Variants in SYNJ2 observed in about 807,000 individuals in gnomAD.
SYNJ2 encodes the protein synaptojanin 2, also known as polyphosphatidylinositol phosphatase SYNJ2.
Under a neutral mutation model 141.3 loss-of-function variants are expected in SYNJ2, and 116 were observed. That is an observed-to-expected ratio of 0.82 (90% CI 0.71 to 0.96). The LOEUF is 0.96. Ranked by LOEUF, SYNJ2 falls within the 40% of genes least tolerant of loss-of-function variation. The pLI is 0.00. For synonymous variants in SYNJ2, 745 were observed against 777.7 expected, an observed-to-expected ratio of 0.96 and a Z score of 0.70; for missense variants, 1,873 against 1,934.8, an observed-to-expected ratio of 0.97 and a Z score of 0.60.
intron 2 of SYNJ2, among the ~76,000 whole-genome samples, chr6:158,021,352 T>C (rs765811210): frequency 1.7e-4 from 26 of 152,190 alleles, no homozygotes; most frequent in Non-Finnish European, 2.6e-4. Context: ...TCTGTAAACC[T>C]GGGAAAACTG....
In SYNJ2 at chr6:158,090,556, T is replaced by G. The variant is rs182020741; in HGVS notation, c.3565+609T>G. Among the ~76,000 whole-genome samples, 407 of 149,426 alleles carry G rather than the reference T, an allele frequency of 2.7e-3. 6 individuals carry two copies. Among genetic ancestry groups the G allele is most frequent in the African/African-American group, 8.7e-3 (355 of 40,768 alleles). ...TTTTTTTTTTTGTTTTTTTTTTTTT[T>G]TTTTTTGAGACTGAGTTTCACTCTG... On this transcript the variant is annotated intron_variant, in intron 25 of 26. Coordinates refer to ENST00000355585, the MANE Select transcript of SYNJ2 (RefSeq NM_003898.4).
chr6:157,991,152 A>G (rs10455934), intron 1 of SYNJ2, among the ~76,000 whole-genome samples: 77,480 of 152,050 alleles, frequency 0.51, 21,212 homozygotes, highest in African/African-American at 0.72. Flanking sequence ...TAAGGAGGGG[A>G]AGAGAGAACG....
Position 158,040,914 on chromosome 6 carries a change from C to T in SYNJ2, c.712-2402C>T, listed in dbSNP as rs888921355. The stretch of plus-strand genomic sequence containing the variant: ...CCCCACTGCTCTTCCCGGTCTCCCT[C>T]CCACCTCTTGTCTGTTCCTTCTTGA... On this transcript the variant is annotated intron_variant, in intron 4 of 26. Transcript: ENST00000355585. This position sits in a 1 kb window ranked among gnomAD's most constrained non-coding sequence, Gnocchi z 4.2. Among the ~76,000 whole-genome samples the T allele has an allele frequency of 2.0e-5, 3 of 152,214 alleles. No individual in the cohort carries two copies. The highest frequency in any genetic ancestry group is 6.5e-5 in the Admixed American group (1 of 15,282).
At chr6:158,086,792 C>A in intron 22 of SYNJ2, 63 bp from the exon 23 acceptor site, 2 of 1,535,202 alleles carry the variant, frequency 1.3e-6, no homozygotes, top group Admixed American at 1.7e-5. Context: ...GTGCTCAGAT[C>A]CGTGTCTGAC....
At chr6:158,076,901 A>C in intron 17 of SYNJ2, 119 bp downstream of exon 17, 1 of 1,285,898 alleles carries the variant, frequency 7.8e-7, no homozygotes, top group Non-Finnish European at 1.0e-6. Flanking sequence ...TCATAACCCC[A>C]GATGACACAA....
intron 2 of SYNJ2, among the ~76,000 whole-genome samples, chr6:158,019,063 G>A (rs1007584428): frequency 2.0e-5 from 3 of 152,248 alleles, no homozygotes; most frequent in Non-Finnish European, 2.9e-5. Context: ...AGGTGTGGCA[G>A]GGATGCCGCG....
intron 18 of SYNJ2, among the ~76,000 whole-genome samples, chr6:158,080,119 A>G (rs1782577902): frequency 1.3e-5 from 2 of 152,154 alleles, no homozygotes; most frequent in Admixed American, 6.5e-5. Flanking sequence ...TGATTTTTAC[A>G]TTATTCCTAA....
chr6:158,090,880 T>C (rs1045956022), intron 25 of SYNJ2, among the ~76,000 whole-genome samples: 1 of 151,844 alleles, frequency 6.6e-6, no homozygotes, highest in Non-Finnish European at 1.5e-5. Flanking sequence ...GCAATCACCA[T>C]TGCTTAATTT....
chr6:158,017,000 C>A, intron 1 of SYNJ2: 1 of 1,270,102 alleles, frequency 7.9e-7, no homozygotes, highest in Non-Finnish European at 9.9e-7. Flanking sequence ...AGAGAGCAAG[C>A]TGTTGGTGGG....
At chr6:158,047,627 A>C (rs1435728941) in intron 5 of SYNJ2, among the ~76,000 whole-genome samples, 1 of 151,916 alleles carries the variant, frequency 6.6e-6, no homozygotes, top group Admixed American at 6.6e-5. Context: ...AAATGCAAAA[A>C]TTAGCTAGGC....
rs147990979 is a variant in SYNJ2, at chr6:158,045,517, G to A, written c.795+2118G>A. ...AATTCCTCCTGTATTGCACTGCTGC[G>A]TCTGTCTGACTCTAGAGTGTTTTGG... On this transcript the variant is annotated intron_variant, in intron 5 of 26. Coordinates refer to ENST00000355585, the MANE Select transcript of SYNJ2 (RefSeq NM_003898.4). Among the ~76,000 whole-genome samples the A allele has an allele frequency of 1.6e-3, 244 of 152,226 alleles. 2 individuals carry two copies. The highest frequency in any genetic ancestry group is 5.4e-3 in the African/African-American group (226 of 41,542).
At chr6:157,996,490 C>T (rs1029074203) in intron 1 of SYNJ2, among the ~76,000 whole-genome samples, 2 of 152,182 alleles carry the variant, frequency 1.3e-5, no homozygotes, top group African/African-American at 2.4e-5. Flanking sequence ...CCCACCATTT[C>T]CTGGGCTCAC....
chr6:158,086,794 G>A, intron 22 of SYNJ2, 61 bp from the exon 23 acceptor site: 22 of 1,512,738 alleles, frequency 1.5e-5, no homozygotes, highest in Non-Finnish European at 2.0e-5. Flanking sequence ...GCTCAGATCC[G>A]TGTCTGACAC....
intron 15 of SYNJ2, among the ~76,000 whole-genome samples, chr6:158,073,441 G>T (rs967483737): frequency 3.3e-5 from 5 of 152,092 alleles, no homozygotes; most frequent in Admixed American, 2.0e-4. Flanking sequence ...CAAGTGATCC[G>T]CCTGCCTCAG....
chr6:158,088,034 A>ATTTTTTTTTTTTTTTTTTTTT lies in SYNJ2; in HGVS notation c.3344-602_3344-582dup, dbSNP rs568222551. 9.4e-5 allele frequency among the ~76,000 whole-genome samples: 3 copies of ATTTTTTTTTTTTTTTTTTTTT among 31,866 alleles called. 1 individual carries two copies. Among genetic ancestry groups the ATTTTTTTTTTTTTTTTTTTTT allele is most frequent in the Non-Finnish European group, 2.1e-4 (3 of 14,600 alleles). The allele number at this position is 31,866 out of a possible 152,430, so 20.9% of individuals were successfully genotyped here. A position where few individuals can be genotyped will look rare whatever the true frequency, so the allele number is the denominator to read the frequency against. The stretch of plus-strand genomic sequence containing the variant: ...TAACAGTTTATTCCCCTGCTTTGGA[A>ATTTTTTTTTTTTTTTTTTTTT]TTTTTTTTTTTTTTTTTTTTTTTTT... On this transcript the variant is annotated intron_variant, in intron 23 of 26. Transcript: ENST00000355585.
chr6:158,078,455 AC>A (rs1170357222), intron 18 of SYNJ2, 174 bp downstream of exon 18: 1 of 449,472 alleles, frequency 2.2e-6, no homozygotes, highest in African/African-American at 2.0e-5. Context: ...CTGTGGACCC[AC>A]CACCAAGAAC....
Position 158,097,583 on chromosome 6 carries a change from C to G in SYNJ2, c.*1219C>G, listed in dbSNP as rs1172982755. The stretch of plus-strand genomic sequence containing the variant: ...GCCTGTTGTATCTGGGAGCCTCGTA[C>G]AGAGGCTCGCACAGCAGTGATCAAG... On this transcript the variant is annotated 3_prime_UTR_variant, in exon 27 of 27. Transcript: ENST00000355585. 6.6e-6 allele frequency: 1 copy of G among 152,192 alleles called. No homozygotes were observed. Among genetic ancestry groups the G allele is most frequent in the Non-Finnish European group, 1.5e-5 (1 of 68,038 alleles). The allele number at this position is 152,192 out of a possible 1,614,324, so 9.4% of individuals were successfully genotyped here.
intron 6 of SYNJ2, among the ~76,000 whole-genome samples, chr6:158,055,501 T>TTG (rs1317987162): frequency 6.1e-4 from 75 of 122,342 alleles, no homozygotes; most frequent in Non-Finnish European, 1.0e-3. Flanking sequence ...TTTTGGCATT[T>TTG]TATGTGTGTG....
At chr6:158,080,137 G>A (rs942252680) in intron 18 of SYNJ2, among the ~76,000 whole-genome samples, 8 of 152,234 alleles carry the variant, frequency 5.3e-5, no homozygotes, top group Middle Eastern at 3.4e-3. Context: ...TAATGATTGC[G>A]TAGGGTATTA....
Sources: allele counts gnomAD v4.1 joint callset (sites outside exome capture counted in the v4.1 genomes callset), GRCh38; gene constraint gnomAD v4.1.1; non-coding constraint Gnocchi (gnomAD v3.1); transcripts MANE v1.5; gene names NCBI Gene and HGNC (gene_info 2026-07-23, HGNC 2026-07-21).